IKZF2: variants seen among roughly 807,000 people sequenced by gnomAD.
IKZF2 encodes zinc finger protein Helios.
A neutral mutation model predicts 49.2 loss-of-function variants in IKZF2; 15 were observed. The ratio of observed to expected loss-of-function variants is 0.30; its 90% CI spans 0.20 to 0.47. IKZF2 has a LOEUF of 0.47. IKZF2 is among the 20% of genes least tolerant of loss of function. The pLI is 1.00. For missense variants in IKZF2, 567 were observed against 664.6 expected (o/e 0.85, Z 1.61); for synonymous variants, 227 against 221.4 (o/e 1.03, Z -0.23).
rs184940980 is a variant in IKZF2 at position 213,023,792 on chromosome 2, G to A, written c.575-1662C>T. ...GCACTTACATTGAAGCTAATAGCCC[G>A]CTGTAAACTACTTCAGTCATTTCCG... On this transcript the variant is annotated intron_variant, in intron 6 of 8. Coordinates refer to ENST00000434687, the MANE Select transcript of IKZF2 (RefSeq NM_001387220.1). Among the ~76,000 whole-genome samples, 157 of 152,188 alleles carry A rather than the reference G, an allele frequency of 1.0e-3. 1 individual carries two copies. Among genetic ancestry groups the A allele is most frequent in the East Asian group, 1.2e-3 (6 of 5,178 alleles).
intron 4 of IKZF2, among the ~76,000 whole-genome samples, chr2:213,064,755 T>C (rs2125440264): frequency 6.6e-6 from 1 of 151,954 alleles, no homozygotes; most frequent in Non-Finnish European, 1.5e-5. Context: ...TTTTTGCATC[T>C]TCTTGGGCAA....
At chr2:213,030,081 T>C (rs1163441552) in intron 6 of IKZF2, among the ~76,000 whole-genome samples, 2 of 152,160 alleles carry the variant, frequency 1.3e-5, no homozygotes, top group Non-Finnish European at 2.9e-5. Context: ...GATCTCTGTA[T>C]ATATTAACGC....
rs945682890 is a variant in IKZF2 at position 213,041,841 on chromosome 2, C to T, written c.574+7872G>A. On this transcript the variant is annotated intron_variant, in intron 6 of 8. Coordinates refer to ENST00000434687, the MANE Select transcript of IKZF2 (RefSeq NM_001387220.1). ...CAATATAAACCTTAAGATGTTAATT[C>T]GGTTTCATGAAAACTTATTTTAAAA... Among the ~76,000 whole-genome samples, 5 of 152,012 alleles carry T rather than the reference C, an allele frequency of 3.3e-5. 1 individual carries two copies. Among genetic ancestry groups the T allele is most frequent in the East Asian group, 1.9e-4 (1 of 5,188 alleles).
chr2:213,092,773 T>TG (rs1705497583), intron 4 of IKZF2, among the ~76,000 whole-genome samples: 1 of 152,196 alleles, frequency 6.6e-6, no homozygotes, highest in African/African-American at 2.4e-5. Context: ...GGTTGCCAGG[T>TG]GGGGTACCCC....
At chr2:213,087,941 T>C (rs1481515372) in intron 4 of IKZF2, among the ~76,000 whole-genome samples, 1 of 152,232 alleles carries the variant, frequency 6.6e-6, no homozygotes, top group Non-Finnish European at 1.5e-5. Context: ...GTCTTTGCTA[T>C]TGTGAATAGT....
intron 6 of IKZF2, among the ~76,000 whole-genome samples, chr2:213,037,315 T>A (rs1332643548): frequency 6.6e-6 from 1 of 152,232 alleles, no homozygotes; most frequent in East Asian, 1.9e-4. Flanking sequence ...CTGCATAGAA[T>A]TATAAAAGAA....
chr2:213,073,540 G>C (rs1486445918), intron 4 of IKZF2, among the ~76,000 whole-genome samples: 1 of 152,160 alleles, frequency 6.6e-6, no homozygotes, highest in Admixed American at 6.5e-5. Flanking sequence ...TTAATAGCAT[G>C]TTACACCTTT....
chr2:213,076,697 T>C (rs1703299783), intron 4 of IKZF2, among the ~76,000 whole-genome samples: 1 of 152,186 alleles, frequency 6.6e-6, no homozygotes, highest in Admixed American at 6.5e-5. Context: ...GGATAAATTA[T>C]GATATTTTAA....
intron 4 of IKZF2, among the ~76,000 whole-genome samples, chr2:213,107,491 T>A (rs1559283461): frequency 6.6e-6 from 1 of 152,206 alleles, no homozygotes; most frequent in Non-Finnish European, 1.5e-5. Flanking sequence ...TCTAAATGTT[T>A]TTCTCACTGT....
chr2:213,054,918 T>C (rs10185464), intron 5 of IKZF2, among the ~76,000 whole-genome samples: 80,357 of 151,798 alleles, frequency 0.53, 21,921 homozygotes, highest in East Asian at 0.76. Context: ...AGAGTAGGTA[T>C]ATAATTATTA....
chr2:213,068,177 T>C (rs1460404517), intron 4 of IKZF2, among the ~76,000 whole-genome samples: 1 of 152,128 alleles, frequency 6.6e-6, no homozygotes, highest in Non-Finnish European at 1.5e-5. Flanking sequence ...CTTTTAACAC[T>C]TGTGTATGTA....
chr2:213,023,057 C>T (rs1281398844), intron 6 of IKZF2, among the ~76,000 whole-genome samples: 1 of 152,130 alleles, frequency 6.6e-6, no homozygotes, highest in African/African-American at 2.4e-5. Context: ...TGAATGAATA[C>T]AGAACAACAT....
intron 6 of IKZF2, among the ~76,000 whole-genome samples, chr2:213,048,295 T>C (rs895540408): frequency 1.3e-5 from 2 of 152,090 alleles, no homozygotes; most frequent in Non-Finnish European, 2.9e-5. Context: ...TAACATAATA[T>C]GTACACACAA....
intron 5 of IKZF2, among the ~76,000 whole-genome samples, chr2:213,055,888 A>C (rs1381132098): frequency 4.6e-5 from 7 of 152,158 alleles, no homozygotes; most frequent in African/African-American, 1.4e-4. Flanking sequence ...TATTTCTTCC[A>C]AAAAAGTATA....
At chr2:213,037,445 A>T (rs1391380061) in intron 6 of IKZF2, among the ~76,000 whole-genome samples, 2 of 152,204 alleles carry the variant, frequency 1.3e-5, no homozygotes, top group Non-Finnish European at 2.9e-5. Context: ...AACAATAACG[A>T]AGAGTAGATA....
intron 6 of IKZF2, among the ~76,000 whole-genome samples, chr2:213,035,235 G>GCT: frequency 6.7e-6 from 1 of 148,346 alleles, no homozygotes. Context: ...CACAATAAAT[G>GCT]ATCAATAAGT....
intron 4 of IKZF2, among the ~76,000 whole-genome samples, chr2:213,077,744 T>C (rs1703438576): frequency 6.6e-6 from 1 of 151,818 alleles, no homozygotes; most frequent in Non-Finnish European, 1.5e-5. Context: ...CCCGCCACCA[T>C]GTCCGGCTAA....
At chr2:213,150,711 G>GA (rs1404261540) in intron 1 of IKZF2, among the ~76,000 whole-genome samples, 2 of 130,946 alleles carry the variant, frequency 1.5e-5, no homozygotes, top group African/African-American at 2.8e-5. Flanking sequence ...AAGGGGGGGG[G>GA]GGCGGGTAGA....
chr2:213,056,788 T>A, intron 5 of IKZF2, 45 bp downstream of exon 5: 6 of 1,608,176 alleles, frequency 3.7e-6, no homozygotes, highest in African/African-American at 1.3e-5. Flanking sequence ...AATATCAACA[T>A]CAGATGTCAC....
Sources: gnomAD v4.1 joint callset for allele counts (sites outside exome capture counted in the v4.1 genomes callset) on GRCh38, gnomAD v4.1.1 for gene constraint, MANE v1.5 for transcripts, NCBI Gene and HGNC (gene_info 2026-07-23, HGNC 2026-07-21) for gene names.